The following SSBP3 variants were observed in gnomAD, a reference collection of about 807,000 sequenced individuals.
SSBP3 encodes the protein single-stranded DNA-binding protein 3.
Under a neutral mutation model 69.6 loss-of-function variants are expected in SSBP3, and 5 were observed. The ratio of observed to expected loss-of-function variants is 0.07; its 90% CI spans 0.04 to 0.15. The LOEUF is 0.15. Among genes scored for constraint, SSBP3 ranks in the 10% least tolerant of loss-of-function variants. SSBP3 has a pLI of 1.00. For synonymous variants in SSBP3, 196 were observed against 193.4 expected (o/e 1.01, Z -0.11); for missense variants, 312 against 534.0 (o/e 0.58, Z 4.10).
intron 4 of SSBP3, among the ~76,000 whole-genome samples, chr1:54,334,854 G>A (rs996294004): frequency 2.0e-5 from 3 of 152,182 alleles, no homozygotes; most frequent in Non-Finnish European, 4.4e-5. Context: ...CCGTTCAAAT[G>A]AATCTTCTTC....
intron 14 of SSBP3, among the ~76,000 whole-genome samples, chr1:54,232,326 T>C (rs1315367554): frequency 6.6e-6 from 1 of 152,208 alleles, no homozygotes; most frequent in Non-Finnish European, 1.5e-5. Flanking sequence ...AGATGAGGTC[T>C]TGCTCTGTCA....
At position 54,258,350 on chromosome 1, in the gene SSBP3, G is replaced by A. The variant is rs147997794; in HGVS notation, c.367-201C>T. ...TGTAAAACGGCGAGCGGGAGCGAGA[G>A]AAGCTGATAAATACATTCACAGGGG... On this transcript the variant is annotated intron_variant, in intron 5 of 17. Coordinates refer to ENST00000610401, the Ensembl canonical transcript of SSBP3. This position sits in a 1 kb window ranked among gnomAD's most constrained non-coding sequence, Gnocchi z 4.5. Among the ~76,000 whole-genome samples, 2 of 152,346 alleles carry A rather than the reference G, an allele frequency of 1.3e-5. No individual in the cohort carries two copies. The highest frequency in any genetic ancestry group is 2.4e-5 in the African/African-American group (1 of 41,584).
intron 4 of SSBP3, among the ~76,000 whole-genome samples, chr1:54,385,314 C>T (rs559200486): frequency 1.8e-4 from 28 of 152,324 alleles, no homozygotes; most frequent in Non-Finnish European, 3.4e-4. Context: ...CCTTAGCTGT[C>T]TTTGTCCTCA....
chr1:54,292,417 T>G (rs542052693), intron 4 of SSBP3, among the ~76,000 whole-genome samples: 1 of 152,140 alleles, frequency 6.6e-6, no homozygotes, highest in East Asian at 1.9e-4. Flanking sequence ...AATGACAGGG[T>G]GGGTGAGCCC....
intron 4 of SSBP3, among the ~76,000 whole-genome samples, chr1:54,310,780 C>T (rs1645987611): frequency 6.6e-6 from 1 of 152,216 alleles, no homozygotes; most frequent in Non-Finnish European, 1.5e-5. Context: ...AGTATTTCCA[C>T]TTGCTGGTCT....
At chr1:54,276,608 C>CACAAAAG (rs1553129772) in intron 5 of SSBP3, among the ~76,000 whole-genome samples, 1 of 35,224 alleles carries the variant, frequency 2.8e-5, no homozygotes, top group East Asian at 9.5e-4. Flanking sequence ...GACTCTGTCT[C>CACAAAAG]AAAAAAAAAA....
intron 4 of SSBP3, among the ~76,000 whole-genome samples, chr1:54,309,027 T>G (rs146685171): frequency 1.3e-5 from 2 of 152,274 alleles, no homozygotes; most frequent in African/African-American, 4.8e-5. Context: ...ATCATAATGC[T>G]CATCTGATGA....
chr1:54,275,123 G>A (rs527876156), intron 5 of SSBP3, among the ~76,000 whole-genome samples: 81 of 152,152 alleles, frequency 5.3e-4, no homozygotes, highest in Non-Finnish European at 1.0e-3. Flanking sequence ...TGAGGGCAGG[G>A]TCCGTGGCTG....
intron 4 of SSBP3, among the ~76,000 whole-genome samples, chr1:54,377,881 T>C (rs1647304591): frequency 6.6e-6 from 1 of 152,162 alleles, no homozygotes; most frequent in African/African-American, 2.4e-5. Flanking sequence ...ACATAGTATC[T>C]CTAAATTTAC....
rs937003827 is a variant in SSBP3, at chr1:54,351,465, C to T, written c.276+50396G>A. On this transcript the variant is annotated intron_variant, in intron 4 of 17. Coordinates refer to ENST00000610401, the Ensembl canonical transcript of SSBP3. Reference sequence around the variant, plus strand: ...GCTGACCCACCATATCAGTGACTCACGGGCCCACCTACCTCCTGGGCCAAA... The same window carrying T: ...GCTGACCCACCATATCAGTGACTCATGGGCCCACCTACCTCCTGGGCCAAA... Among the ~76,000 whole-genome samples the T allele has an allele frequency of 3.9e-5, 6 of 152,220 alleles. No homozygotes were observed. In the South Asian group the frequency reaches 1.2e-3, roughly 32 times the overall value.
intron 3 of SSBP3, among the ~76,000 whole-genome samples, chr1:54,402,737 C>A (rs541588699): frequency 1.2e-3 from 187 of 152,304 alleles, no homozygotes; most frequent in Middle Eastern, 3.4e-3. Context: ...CCTCACCCCC[C>A]ACTAAAGATT....
chr1:54,401,661 G>A (rs1405100555), intron 4 of SSBP3, among the ~76,000 whole-genome samples, 200 bp downstream of exon 4: 1 of 152,154 alleles, frequency 6.6e-6, no homozygotes, highest in African/African-American at 2.4e-5. Flanking sequence ...ACAACATTAT[G>A]AAACACCGTT....
intron 4 of SSBP3, among the ~76,000 whole-genome samples, chr1:54,372,744 A>G (rs1487076774): frequency 3.9e-5 from 6 of 152,292 alleles, no homozygotes; most frequent in African/African-American, 1.4e-4. Flanking sequence ...GGGGCTGAGC[A>G]CTGCACACCT....
chr1:54,274,179 T>G (rs1319267563), intron 5 of SSBP3, among the ~76,000 whole-genome samples: 1 of 151,704 alleles, frequency 6.6e-6, no homozygotes, highest in Non-Finnish European at 1.5e-5. Flanking sequence ...GGGGAGGGGG[T>G]TTTATTTCCC....
chr1:54,333,552 T>C (rs1250154643), intron 4 of SSBP3, among the ~76,000 whole-genome samples: 3 of 152,120 alleles, frequency 2.0e-5, no homozygotes, highest in African/African-American at 7.2e-5. Flanking sequence ...GGGAACATAG[T>C]GAGACCCCGT....
intron 13 of SSBP3, among the ~76,000 whole-genome samples, chr1:54,240,472 A>AAGGGGG (rs1553123335): frequency 3.2e-5 from 2 of 63,342 alleles, no homozygotes; most frequent in Non-Finnish European, 3.0e-5. Context: ...GAAAAAAAAA[A>AAGGGGG]GGGGGGGGGG....
intron 5 of SSBP3, among the ~76,000 whole-genome samples, chr1:54,272,487 T>A (rs3753410): frequency 0.56 from 77,133 of 138,412 alleles, 20,060 homozygotes; most frequent in South Asian, 0.69. Flanking sequence ...GACCTTTTTT[T>A]TAAAAAAAAA....
intron 5 of SSBP3, among the ~76,000 whole-genome samples, chr1:54,273,444 G>GT (rs1570321676): frequency 6.6e-6 from 1 of 152,240 alleles, no homozygotes; most frequent in African/African-American, 2.4e-5. Flanking sequence ...CACGTCAGGA[G>GT]TAACCTTTTG....
chr1:54,308,908 A>C (rs1268296531), intron 4 of SSBP3, among the ~76,000 whole-genome samples: 3 of 108,732 alleles, frequency 2.8e-5, no homozygotes. Flanking sequence ...CCTCCCCTGC[A>C]AAAAAAAAAA....
Sources: allele counts gnomAD v4.1 joint callset (sites outside exome capture counted in the v4.1 genomes callset), GRCh38; gene constraint gnomAD v4.1.1; non-coding constraint Gnocchi (gnomAD v3.1); transcripts MANE v1.5; gene names NCBI Gene and HGNC (gene_info 2026-07-23, HGNC 2026-07-21).